The following MAML3 variants were observed in gnomAD, a reference collection of about 807,000 sequenced individuals.
MAML3 encodes mastermind-like protein 3.
In MAML3, 27 loss-of-function variants were observed where a neutral mutation model predicts 101.9. The observed-to-expected ratio is 0.27, with a 90% CI of 0.20 to 0.37. The LOEUF is 0.37. MAML3 is among the 10% of genes least tolerant of loss of function. The probability of loss-of-function intolerance (pLI) is 1.00; values close to 1 mark genes in which losing one functional copy is unlikely to be tolerated. For missense variants in MAML3, 1,316 were observed against 1,444.9 expected, an observed-to-expected ratio of 0.91 and a Z score of 1.45; for synonymous variants, 501 against 555.9, an observed-to-expected ratio of 0.90 and a Z score of 1.39.
rs142228399 is a variant in MAML3, at chr4:139,829,450, C to T, written c.2079+59907G>A. ...TTTGAGGAACTGGCGTGGTAAATCG[C>T]AGCGGATGTTATGAGGAAGGGGAAG... On this transcript the variant is annotated intron_variant, in intron 2 of 4. Coordinates refer to ENST00000509479, the MANE Select transcript of MAML3 (RefSeq NM_018717.5). Among the ~76,000 whole-genome samples, 1,172 of 152,150 alleles carry T rather than the reference C, an allele frequency of 7.7e-3. 5 individuals are homozygous for T. The highest frequency in any genetic ancestry group is 0.02 in the Middle Eastern group (6 of 294).
intron 1 of MAML3, among the ~76,000 whole-genome samples, chr4:140,054,086 A>G: frequency 6.6e-6 from 1 of 152,148 alleles, no homozygotes; most frequent in East Asian, 1.9e-4. Flanking sequence ...AAACAGTAAC[A>G]TGGGCAGGCG....
intron 1 of MAML3, among the ~76,000 whole-genome samples, chr4:140,082,735 C>G (rs1727880881): frequency 6.8e-6 from 1 of 146,206 alleles, no homozygotes; most frequent in Non-Finnish European, 1.5e-5. Flanking sequence ...GCAACTCAAC[C>G]ACTCTAGGAT....
Position 140,149,937 on chromosome 4 carries a change from TTC to T in MAML3, c.468+2921_468+2922del, listed in dbSNP as rs1342162096. On this transcript the variant is annotated intron_variant, in intron 1 of 4. Transcript: ENST00000509479. ...AATATAACTTGTAGAGCATGTTTCT[TTC>T]TTTTTTTTTTTTTTTTTTGGTACAC... 6.6e-4 allele frequency among the ~76,000 whole-genome samples: 46 copies of T among 69,266 alleles called. No individual in the cohort carries two copies. In the South Asian group the frequency reaches 0.014, roughly 21 times the overall value. 45.4% of individuals were successfully genotyped at this position (69,266 alleles called of 152,430 possible).
intron 2 of MAML3, among the ~76,000 whole-genome samples, chr4:139,771,591 C>T (rs1729981614): frequency 6.6e-6 from 1 of 152,160 alleles, no homozygotes; most frequent in Non-Finnish European, 1.5e-5. Flanking sequence ...GGGCAGAGTT[C>T]ACTAGTTTAT....
At chr4:140,024,404 T>A (rs1726786895) in intron 1 of MAML3, among the ~76,000 whole-genome samples, 1 of 152,096 alleles carries the variant, frequency 6.6e-6, no homozygotes, top group Admixed American at 6.6e-5. Context: ...ATTTTTAAAT[T>A]TTTAACAGAG....
chr4:140,145,326 G>C (rs891831578), intron 1 of MAML3, among the ~76,000 whole-genome samples: 1 of 152,174 alleles, frequency 6.6e-6, no homozygotes, highest in Non-Finnish European at 1.5e-5. Context: ...GAAAATTCTG[G>C]AAGTTGGTAG....
rs1727263879 is a variant in MAML3, at chr4:140,051,332, A to AGGAGT, written c.468+101527_468+101528insACTCC. Among the ~76,000 whole-genome samples, 10 of 152,290 alleles carry AGGAGT rather than the reference A, an allele frequency of 6.6e-5. No homozygotes were observed. The South Asian group carries it at 2.1e-3, about 32-fold the overall frequency. On this transcript the variant is annotated intron_variant, in intron 1 of 4. Coordinates refer to ENST00000509479, the MANE Select transcript of MAML3 (RefSeq NM_018717.5). ...CACTTTGGGAGGCTGAGGCAGGTGG[A>AGGAGT]TCACCTGAGGTTAGGAGTTCGAGAC...
At chr4:139,835,495 A>G (rs1479014407) in intron 2 of MAML3, among the ~76,000 whole-genome samples, 1 of 152,266 alleles carries the variant, frequency 6.6e-6, no homozygotes, top group African/African-American at 2.4e-5. Flanking sequence ...ACTAGTCCAT[A>G]ACTGAGGTTA....
At chr4:139,943,696 G>A (rs1400055533) in intron 1 of MAML3, among the ~76,000 whole-genome samples, 1 of 152,114 alleles carries the variant, frequency 6.6e-6, no homozygotes, top group Non-Finnish European at 1.5e-5. Context: ...TACACTGAAT[G>A]TACATGGATT....
At chr4:140,109,285 A>G (rs1470523728) in intron 1 of MAML3, among the ~76,000 whole-genome samples, 1 of 152,134 alleles carries the variant, frequency 6.6e-6, no homozygotes, top group Admixed American at 6.6e-5. Context: ...ACAGACTACA[A>G]CTCTATACTC....
chr4:140,104,413 A>ATTATATAATATATAATAT (rs1728314630), intron 1 of MAML3, among the ~76,000 whole-genome samples: 1 of 29,672 alleles, frequency 3.4e-5, no homozygotes, highest in Non-Finnish European at 9.0e-5. Context: ...TATATAATAT[A>ATTATATAATATATAATAT]ATATATAATA....
chr4:139,719,888 C>T lies in MAML3; in HGVS notation c.2852G>A (p.Ser951Asn). 1.2e-6 allele frequency: 2 copies of T among 1,613,982 alleles called. No homozygotes were observed. Among genetic ancestry groups the T allele is most frequent in the Non-Finnish European group, 1.7e-6 (2 of 1,179,892 alleles). Reference protein sequence around the residue: ...PRPQAPPRLQSLMGTVQQGAQ... With the variant: ...PRPQAPPRLQNLMGTVQQGAQ... ...TCCTTGCTGGACTGTTCCCATAAGGCTCTGCAGCCTTGGAGGGGCTTGGGG... is the reference window on the plus strand; with the variant it reads ...TCCTTGCTGGACTGTTCCCATAAGGTTCTGCAGCCTTGGAGGGGCTTGGGG... Residue 951 changes from serine to asparagine, a missense_variant, in exon 5 of 5, where the codon AGC becomes AAC. Ser to Asn is a conservative substitution (Grantham distance 46). Transcript: ENST00000509479.
chr4:139,920,290 C>A (rs1733102395), intron 1 of MAML3, among the ~76,000 whole-genome samples: 1 of 152,182 alleles, frequency 6.6e-6, no homozygotes, highest in Non-Finnish European at 1.5e-5. Context: ...AACATGCTTG[C>A]AAACTGTGGC....
At chr4:139,922,044 G>A (rs1733140279) in intron 1 of MAML3, among the ~76,000 whole-genome samples, 1 of 152,128 alleles carries the variant, frequency 6.6e-6, no homozygotes, top group Admixed American at 6.5e-5. Flanking sequence ...AGGACACAAG[G>A]CTTAACTGCA....
intron 2 of MAML3, among the ~76,000 whole-genome samples, chr4:139,875,537 C>G (rs1018746156): frequency 1.3e-5 from 2 of 152,114 alleles, no homozygotes; most frequent in Non-Finnish European, 2.9e-5. Flanking sequence ...CATCAAAACC[C>G]TAGAAAACAA....
rs756106379 is a variant in MAML3 at position 140,069,384 on chromosome 4, A to AAGGAGG, written c.468+83470_468+83475dup. ...GGAGAAGAAGAAGAAGAAGAAGAAG[A>AAGGAGG]AGGAGGAGGAGGAGGAGGAGGAGGA... On this transcript the variant is annotated intron_variant, in intron 1 of 4. Coordinates refer to ENST00000509479, the MANE Select transcript of MAML3 (RefSeq NM_018717.5). Among the ~76,000 whole-genome samples the AAGGAGG allele has an allele frequency of 2.3e-3, 139 of 60,426 alleles. 4 individuals are homozygous for AAGGAGG. The highest frequency in any genetic ancestry group is 0.011 in the Middle Eastern group (1 of 94). 39.6% of individuals were successfully genotyped at this position (60,426 alleles called of 152,430 possible).
chr4:140,087,271 C>T (rs977106367), intron 1 of MAML3, among the ~76,000 whole-genome samples: 1 of 152,212 alleles, frequency 6.6e-6, no homozygotes, highest in African/African-American at 2.4e-5. Context: ...ATCAGAGGGT[C>T]CATGCTATCT....
At position 140,153,454 on chromosome 4, in the gene MAML3, A is replaced by C; in HGVS notation, c.-127T>G. 3 of 1,046,582 alleles carry C rather than the reference A, an allele frequency of 2.9e-6. No individual in the cohort carries two copies. The highest frequency in any genetic ancestry group is 2.5e-6 in the Non-Finnish European group (2 of 808,266). The allele number at this position is 1,046,582 out of a possible 1,614,324, so 64.8% of individuals were successfully genotyped here. ...GGGGAGACGCAAGCACATGGATGGA[A>C]ACGGCGATCCCGACGGGGCGAAAAA... On this transcript the variant is annotated 5_prime_UTR_variant, in exon 1 of 5. Transcript: ENST00000509479.
intron 1 of MAML3, among the ~76,000 whole-genome samples, chr4:140,006,402 A>G (rs1049140891): frequency 6.6e-6 from 1 of 152,034 alleles, no homozygotes; most frequent in African/African-American, 2.4e-5. Flanking sequence ...CCTAACCAAC[A>G]TGGTGAAACC....
Sources: allele counts gnomAD v4.1 joint callset (sites outside exome capture counted in the v4.1 genomes callset), GRCh38; gene constraint gnomAD v4.1.1; transcripts MANE v1.5; gene names NCBI Gene and HGNC (gene_info 2026-07-23, HGNC 2026-07-21).